The following CSGALNACT1 variants were observed in gnomAD, a reference collection of about 807,000 sequenced individuals.
CSGALNACT1 encodes beta4GalNAcT-1.
In CSGALNACT1, 52 loss-of-function variants were observed where a neutral mutation model predicts 51.0. The observed-to-expected ratio is 1.02, with a 90% CI of 0.82 to 1.29. The LOEUF (loss-of-function observed/expected upper bound fraction) is 1.29. Among genes scored for constraint, CSGALNACT1 ranks in the 50% most tolerant of loss-of-function variants. CSGALNACT1 has a pLI of 0.00. For missense variants in CSGALNACT1, 935 were observed against 679.2 expected, an observed-to-expected ratio of 1.38 and a Z score of -4.19; for synonymous variants, 341 against 254.4, an observed-to-expected ratio of 1.34 and a Z score of -3.24.
chr8:19,630,454 A>T (rs2154169354), intron 1 of CSGALNACT1, among the ~76,000 whole-genome samples: 1 of 152,164 alleles, frequency 6.6e-6, no homozygotes, highest in East Asian at 1.9e-4. Flanking sequence ...TTGGTGTGGT[A>T]TATTTGTTAC....
chr8:19,458,303 G>A, intron 5 of CSGALNACT1, 123 bp downstream of exon 4: 1 of 892,330 alleles, frequency 1.1e-6, no homozygotes, highest in Non-Finnish European at 1.9e-6. Context: ...GGAGAAAACA[G>A]AGCTGAATAA....
intron 4 of CSGALNACT1, 30 bp from the exon 4 acceptor site, chr8:19,458,672 TC>T (rs1472724097): frequency 6.2e-7 from 1 of 1,605,730 alleles, no homozygotes; most frequent in Non-Finnish European, 8.5e-7. Flanking sequence ...GAAAGATAGT[TC>T]TAAAAATTAA....
intron 5 of CSGALNACT1, 93 bp downstream of exon 4, chr8:19,458,333 T>A: frequency 1.9e-6 from 2 of 1,055,144 alleles, no homozygotes; most frequent in Non-Finnish European, 1.5e-6. Flanking sequence ...GGCTTTGTAC[T>A]CGGCAGGGGA....
rs775666281 is a variant in CSGALNACT1 at position 19,619,253 on chromosome 8, G to C, written c.-543-17388C>G. Among the ~76,000 whole-genome samples the C allele has an allele frequency of 4.4e-3, 647 of 148,340 alleles. 6 individuals carry two copies. The highest frequency in any genetic ancestry group is 6.5e-3 in the Non-Finnish European group (441 of 67,396). On this transcript the variant is annotated intron_variant, in intron 1 of 9. Transcript: ENST00000332246. ...AAGAGCATTCTAGACAGGGTCGGGG[G>C]GGGGTGGGCCTTGAAAAAAAGCACA... is the stretch of plus-strand genomic sequence containing the variant.
rs371318168 is a variant in CSGALNACT1 at position 19,529,806 on chromosome 8, C to T, written c.-296-23676G>A. ...TTGTGTATAACCTAAGCACATCCTC[C>T]TGTATACTTTAAATCATCTCTACAT... On this transcript the variant is annotated intron_variant, in intron 3 of 9. Coordinates refer to ENST00000454498, the Ensembl canonical transcript of CSGALNACT1. Among the ~76,000 whole-genome samples, 290 of 152,300 alleles carry T rather than the reference C, an allele frequency of 1.9e-3. 2 individuals are homozygous for T. The highest frequency in any genetic ancestry group is 6.6e-3 in the African/African-American group (276 of 41,566).
intron 3 of CSGALNACT1, among the ~76,000 whole-genome samples, chr8:19,546,632 T>A (rs77347011): frequency 6.6e-6 from 1 of 152,216 alleles, no homozygotes; most frequent in South Asian, 2.1e-4. Context: ...CAAGTCAGTA[T>A]TCTCATGAAT....
chr8:19,726,818 G>A (rs1264417148), intron 1 of CSGALNACT1, among the ~76,000 whole-genome samples: 1 of 152,110 alleles, frequency 6.6e-6, no homozygotes, highest in Middle Eastern at 3.2e-3. Context: ...CAAACAACAG[G>A]AACGGATTCT....
chr8:19,555,201 T>A (rs1044565813), intron 3 of CSGALNACT1, among the ~76,000 whole-genome samples: 4 of 151,814 alleles, frequency 2.6e-5, no homozygotes, highest in African/African-American at 7.3e-5. Flanking sequence ...ATCGCGCCAT[T>A]GCACTCCAGC....
Position 19,480,195 on chromosome 8 carries a change from C to G in CSGALNACT1, c.635-21553G>C, listed in dbSNP as rs190016544. Reference sequence around the variant, plus strand: ...ACTTCTGCCCCAGGAATTTATTGTACAGATTATTTCATCACCCCAGTATTA... The same window carrying G: ...ACTTCTGCCCCAGGAATTTATTGTAGAGATTATTTCATCACCCCAGTATTA... On this transcript the variant is annotated intron_variant, in intron 4 of 9. Transcript: ENST00000454498. Among the ~76,000 whole-genome samples the G allele has an allele frequency of 5.9e-5, 9 of 152,232 alleles. No individual in the cohort carries two copies. In the East Asian group the frequency reaches 1.7e-3, roughly 29 times the overall value.
intron 3 of CSGALNACT1, among the ~76,000 whole-genome samples, chr8:19,528,066 T>G (rs1000160598): frequency 1.3e-5 from 2 of 152,124 alleles, no homozygotes; most frequent in Non-Finnish European, 2.9e-5. Context: ...AAGGAACTTC[T>G]GGAGATGACC....
At chr8:19,441,508 C>T (rs1464235899) in intron 5 of CSGALNACT1, among the ~76,000 whole-genome samples, 1 of 152,180 alleles carries the variant, frequency 6.6e-6, no homozygotes, top group Non-Finnish European at 1.5e-5. Context: ...GGAAAACTGG[C>T]TAGCCATATG....
At chr8:19,677,485 G>A (rs2060281041) in intron 1 of CSGALNACT1, among the ~76,000 whole-genome samples, 1 of 152,074 alleles carries the variant, frequency 6.6e-6, no homozygotes, top group Non-Finnish European at 1.5e-5. Flanking sequence ...AAAACTAATG[G>A]TACCAGGACA....
chr8:19,573,695 C>A (rs1369501710), intron 3 of CSGALNACT1, among the ~76,000 whole-genome samples: 2 of 152,104 alleles, frequency 1.3e-5, no homozygotes. Context: ...CTGCCCACCT[C>A]GGCCTCCCAT....
chr8:19,494,909 C>A (rs28671342), intron 4 of CSGALNACT1: 5 of 144,260 alleles, frequency 3.5e-5, no homozygotes, highest in East Asian at 2.1e-4. Context: ...GCAGGAGGGT[C>A]GGGTAGGATT....
chr8:19,634,720 G>C (rs1329369056), intron 1 of CSGALNACT1, among the ~76,000 whole-genome samples: 1 of 152,142 alleles, frequency 6.6e-6, no homozygotes, highest in Non-Finnish European at 1.5e-5. Flanking sequence ...GCCATATGGA[G>C]ACACAGAGAG....
At chr8:19,441,139 C>A (rs1023126571) in intron 5 of CSGALNACT1, among the ~76,000 whole-genome samples, 3 of 152,320 alleles carry the variant, frequency 2.0e-5, no homozygotes, top group South Asian at 2.1e-4. Flanking sequence ...AATGGTCATA[C>A]TGCCCAAGGT....
chr8:19,729,643 G>A (rs1240067615), intron 1 of CSGALNACT1, among the ~76,000 whole-genome samples: 4 of 152,336 alleles, frequency 2.6e-5, no homozygotes, highest in African/African-American at 9.6e-5. Flanking sequence ...ATTTCATTTT[G>A]ATCTAACATT....
chr8:19,734,815 T>C (rs1057022343), intron 1 of CSGALNACT1, among the ~76,000 whole-genome samples: 2 of 152,036 alleles, frequency 1.3e-5, no homozygotes, highest in Non-Finnish European at 2.9e-5. Flanking sequence ...GCACATAATA[T>C]ATACATATAT....
chr8:19,428,122 C>A (rs528542209), intron 6 of CSGALNACT1, among the ~76,000 whole-genome samples: 30 of 152,250 alleles, frequency 2.0e-4, no homozygotes, highest in Admixed American at 1.8e-3. Context: ...TCTGTAAAGT[C>A]TGGATGGATA....
Sources: allele counts gnomAD v4.1 joint callset (sites outside exome capture counted in the v4.1 genomes callset), GRCh38; gene constraint gnomAD v4.1.1; transcripts MANE v1.5; gene names NCBI Gene and HGNC (gene_info 2026-07-23, HGNC 2026-07-21).